PHYHIPL: variants seen among roughly 807,000 people sequenced by gnomAD.
PHYHIPL encodes the protein phytanoyl-CoA hydroxylase-interacting protein-like.
A neutral mutation model predicts 33.4 loss-of-function variants in PHYHIPL; 9 were observed. That is an observed-to-expected ratio of 0.27 (90% confidence interval 0.16 to 0.47). PHYHIPL has a LOEUF of 0.47. PHYHIPL is among the 20% of genes least tolerant of loss of function. The probability of loss-of-function intolerance (pLI) is 0.99; values close to 1 mark genes in which losing one functional copy is unlikely to be tolerated. For missense variants in PHYHIPL, 365 were observed against 460.7 expected (o/e 0.79, Z 1.90); for synonymous variants, 153 against 154.1 (o/e 0.99, Z 0.05).
chr10:59,178,770 A>G (rs149933641), intron 1 of PHYHIPL, among the ~76,000 whole-genome samples: 2 of 152,272 alleles, frequency 1.3e-5, no homozygotes, highest in East Asian at 3.9e-4. Flanking sequence ...ATAATGCTGT[A>G]TTTACTGTGA....
chr10:59,203,898 C>G (rs1839206320), intron 1 of PHYHIPL, among the ~76,000 whole-genome samples: 1 of 152,076 alleles, frequency 6.6e-6, no homozygotes, highest in South Asian at 2.1e-4. Flanking sequence ...CACATGTACC[C>G]TAGAACTTAA....
At chr10:59,212,646 G>A (rs570004845) in intron 1 of PHYHIPL, among the ~76,000 whole-genome samples, 1 of 152,294 alleles carries the variant, frequency 6.6e-6, no homozygotes, top group South Asian at 2.1e-4. Context: ...CCACTCAGCA[G>A]CACCAGCGCT....
chr10:59,235,350 A>T (rs535027585), intron 2 of PHYHIPL, among the ~76,000 whole-genome samples: 2 of 152,014 alleles, frequency 1.3e-5, no homozygotes, highest in South Asian at 4.1e-4. Context: ...TCTATAGAGA[A>T]ATTAACAGTT....
chr10:59,191,441 T>G (rs1838781876), intron 1 of PHYHIPL, among the ~76,000 whole-genome samples: 1 of 152,114 alleles, frequency 6.6e-6, no homozygotes, highest in African/African-American at 2.4e-5. Flanking sequence ...ATAACTTTAT[T>G]CTGATTACAT....
chr10:59,196,004 A>G (rs1410708457), intron 1 of PHYHIPL, among the ~76,000 whole-genome samples: 2 of 152,180 alleles, frequency 1.3e-5, no homozygotes, highest in Non-Finnish European at 2.9e-5. Context: ...AAACTGTCAC[A>G]TATACTCTAT....
chr10:59,180,488 C>A, intron 1 of PHYHIPL, among the ~76,000 whole-genome samples: 1 of 151,370 alleles, frequency 6.6e-6, no homozygotes, highest in Non-Finnish European at 1.5e-5. Flanking sequence ...ACATTTAAAT[C>A]TACCCTCAAG....
At chr10:59,207,755 G>A (rs140893136) in intron 1 of PHYHIPL, among the ~76,000 whole-genome samples, 1,583 of 152,198 alleles carry the variant, frequency 0.01, 22 homozygotes, top group African/African-American at 0.036. Context: ...GCTGGGCGTG[G>A]TGGTGGGCGC....
At chr10:59,191,701 A>G (rs1589262628) in intron 1 of PHYHIPL, among the ~76,000 whole-genome samples, 1 of 152,124 alleles carries the variant, frequency 6.6e-6, no homozygotes, top group East Asian at 1.9e-4. Context: ...ACTGTGGTCA[A>G]TATATGCTGA....
At chr10:59,202,520 G>A (rs151081555) in intron 1 of PHYHIPL, among the ~76,000 whole-genome samples, 205 of 151,894 alleles carry the variant, frequency 1.3e-3, no homozygotes, top group African/African-American at 4.7e-3. Context: ...TGAATGACTT[G>A]GGTAATTTAG....
At chr10:59,233,367 T>C (rs1410235380) in intron 1 of PHYHIPL, among the ~76,000 whole-genome samples, 2 of 151,932 alleles carry the variant, frequency 1.3e-5, no homozygotes, top group Non-Finnish European at 1.5e-5. Context: ...AACATTTTAT[T>C]ATGTTAAGGA....
intron 1 of PHYHIPL, among the ~76,000 whole-genome samples, chr10:59,203,308 C>T (rs1362338646): frequency 2.0e-5 from 3 of 152,188 alleles, no homozygotes; most frequent in African/African-American, 7.2e-5. Context: ...AACACTTTTA[C>T]ACTGTTGCTG....
chr10:59,191,717 C>T (rs1285828333), intron 1 of PHYHIPL, among the ~76,000 whole-genome samples: 2 of 151,914 alleles, frequency 1.3e-5, no homozygotes, highest in African/African-American at 2.4e-5. Context: ...GCTGAAAACT[C>T]AACAGGTACT....
intron 1 of PHYHIPL, among the ~76,000 whole-genome samples, chr10:59,211,107 G>A (rs1839426481): frequency 6.6e-6 from 1 of 152,056 alleles, no homozygotes; most frequent in Admixed American, 6.5e-5. Flanking sequence ...GGTGGCTCAT[G>A]CCTGCCTGTA....
At chr10:59,200,299 C>T (rs1274133824) in intron 1 of PHYHIPL, among the ~76,000 whole-genome samples, 1 of 152,142 alleles carries the variant, frequency 6.6e-6, no homozygotes, top group African/African-American at 2.4e-5. Context: ...GCCTTTTCTG[C>T]ATCTATTGAG....
chr10:59,205,393 T>G (rs1839257406), intron 1 of PHYHIPL, among the ~76,000 whole-genome samples: 2 of 152,182 alleles, frequency 1.3e-5, no homozygotes, highest in South Asian at 4.1e-4. Context: ...AAAAGAAAAT[T>G]ACAACCATGT....
intron 1 of PHYHIPL, among the ~76,000 whole-genome samples, chr10:59,208,252 C>A (rs1287986950): frequency 6.6e-6 from 1 of 152,198 alleles, no homozygotes; most frequent in East Asian, 1.9e-4. Flanking sequence ...TGCTGTTCTG[C>A]AGCCTCTGCT....
At chr10:59,175,517 T>C (rs1343963065), upstream of PHYHIPL, among the ~76,000 whole-genome samples, 1 of 152,192 alleles carries the variant, frequency 6.6e-6, no homozygotes, top group Non-Finnish European at 1.5e-5. Flanking sequence ...CTTATATTAA[T>C]TTATAAGCAC....
chr10:59,177,803 A>G (rs957010557), intron 1 of PHYHIPL, among the ~76,000 whole-genome samples: 1 of 152,196 alleles, frequency 6.6e-6, no homozygotes. Flanking sequence ...TACTTTAGTA[A>G]TGTGGTACAA....
At chr10:59,207,652 G>A (rs2133231658) in intron 1 of PHYHIPL, among the ~76,000 whole-genome samples, 1 of 152,278 alleles carries the variant, frequency 6.6e-6, no homozygotes, top group Non-Finnish European at 1.5e-5. Flanking sequence ...AGCACTTTGG[G>A]AGGCCAAGGC....
Sources: allele counts gnomAD v4.1 joint callset (sites outside exome capture counted in the v4.1 genomes callset), GRCh38; gene constraint gnomAD v4.1.1; transcripts MANE v1.5; gene names NCBI Gene and HGNC (gene_info 2026-07-23, HGNC 2026-07-21).